Variants in MAP3K4 observed in about 807,000 individuals in gnomAD.
The protein encoded by MAP3K4 is MAP three kinase 1.
MAP3K4 carries 67 observed loss-of-function variants against 185.6 expected under a neutral mutation model. That is an observed-to-expected ratio of 0.36 (90% CI 0.30 to 0.44). MAP3K4 has a LOEUF of 0.44. MAP3K4 is among the 20% of genes least tolerant of loss of function. The pLI is 1.00. For missense variants in MAP3K4, 1,551 were observed against 1,995.1 expected (o/e 0.78, Z 4.24); for synonymous variants, 702 against 710.4 (o/e 0.99, Z 0.19).
In MAP3K4 at chr6:161,096,143, AGTTTT is replaced by A. The variant is rs1284162179; in HGVS notation, c.3428-929_3428-925del. 6.6e-6 allele frequency among the ~76,000 whole-genome samples: 1 copy of A among 152,154 alleles called. No homozygotes were observed. The highest frequency in any genetic ancestry group is 1.5e-5 in the Non-Finnish European group (1 of 68,024). The stretch of plus-strand genomic sequence containing the variant: ...AGGGTTTTTTGTTAACAATCCCTTA[AGTTTT>A]GTTTTGTAAGTTCTGTAAGGGAACT... On this transcript the variant is annotated intron_variant, in intron 15 of 26. Coordinates refer to ENST00000392142, the MANE Select transcript of MAP3K4 (RefSeq NM_005922.4). The surrounding 1 kb of genome is among the most constrained non-coding windows in gnomAD (Gnocchi z 4.9).
rs781215930 is a variant in MAP3K4, at chr6:161,089,435, T to G, written c.2937T>G (p.Ser979Arg). The change falls in exon 11 of 27, where the codon AGT (serine) becomes AGG (arginine). Residue 979 changes from serine (S) to arginine (R), a missense_variant. Ser to Arg is a moderately radical substitution (Grantham distance 110). This residue lies in a region of MAP3K4 where 261 missense variants were observed against 306.5 expected (regional missense o/e 0.85). Transcript: ENST00000392142. ...LMTLCQEQTS[S>R]QPVIAKALQQ... is the part of the protein sequence containing the mutation. The stretch of plus-strand genomic sequence containing the variant: ...CTCTGTGCCAGGAGCAGACATCCAG[T>G]CAGCCGGTCATCGCCAAAGCTTTGC... The G allele has an allele frequency of 1.9e-6, 3 of 1,614,226 alleles. No individual in the cohort carries two copies. The highest frequency in any genetic ancestry group is 2.5e-6 in the Non-Finnish European group (3 of 1,180,044).
In MAP3K4 at chr6:161,049,547, A is replaced by G; in HGVS notation, c.1275A>G (p.Pro425=). 1 of 1,614,204 alleles carries G rather than the reference A, an allele frequency of 6.2e-7. No homozygotes were observed. ...AGAATTTATCAGACATTGGCTGGCC[A>G]GTGTTTGAAATCCCTTCCCCTCGAC... is the stretch of plus-strand genomic sequence containing the variant. The part of the protein sequence containing the change: ...GIKNLSDIGW[P]VFEIPSPRPS... The change falls in exon 3 of 27, where the codon CCA becomes CCG. Residue 425 remains proline, a synonymous_variant. Transcript: ENST00000392142. The surrounding 1 kb of genome is among the most constrained non-coding windows in gnomAD (Gnocchi z 8.4).
intron 1 of MAP3K4, among the ~76,000 whole-genome samples, chr6:161,016,487 T>G (rs1439150230): frequency 6.6e-6 from 1 of 152,252 alleles, no homozygotes; most frequent in Non-Finnish European, 1.5e-5. Context: ...TGTTACATTT[T>G]GATCTTCTAT....
Position 161,086,580 on chromosome 6 carries a change from C to G in MAP3K4, c.2473-4C>G. 1 of 1,613,320 alleles carries G rather than the reference C, an allele frequency of 6.2e-7. No individual in the cohort carries two copies. The highest frequency in any genetic ancestry group is 8.5e-7 in the Non-Finnish European group (1 of 1,179,572). On this transcript the variant is annotated splice_polypyrimidine_tract_variant and splice_region_variant and intron_variant, in intron 8 of 26. Coordinates refer to ENST00000392142, the MANE Select transcript of MAP3K4 (RefSeq NM_005922.4). The surrounding 1 kb of genome is among the most constrained non-coding windows in gnomAD (Gnocchi z 4.8). ...AAGAAGTTTCTTTGTAACTGTGATC[C>G]TAGGACCTGGAAATAGCAGCAGAAT...
At position 161,000,439 on chromosome 6, in the gene MAP3K4, C is replaced by G. The variant is rs143487381; in HGVS notation, c.152+8356C>G. 2.3e-3 allele frequency among the ~76,000 whole-genome samples: 354 copies of G among 152,222 alleles called. 3 individuals carry two copies. Among genetic ancestry groups the G allele is most frequent in the African/African-American group, 8.1e-3 (335 of 41,520 alleles). ...TACTTCTTGAAGACAGCATTGTTAC[C>G]CGAAGGCAAGAGTAAGAATGTATCT... is the stretch of plus-strand genomic sequence containing the variant. On this transcript the variant is annotated intron_variant, in intron 1 of 26. Transcript: ENST00000392142.
chr6:161,106,080 G>A lies in MAP3K4; in HGVS notation c.3857-434G>A, dbSNP rs1778056912. Among the ~76,000 whole-genome samples the A allele has an allele frequency of 6.6e-6, 1 of 151,912 alleles. No individual in the cohort carries two copies. Among genetic ancestry groups the A allele is most frequent in the Non-Finnish European group, 1.5e-5 (1 of 67,974 alleles). On this transcript the variant is annotated intron_variant, in intron 19 of 26. Transcript: ENST00000392142. This position sits in a 1 kb window ranked among gnomAD's most constrained non-coding sequence, Gnocchi z 4.9. ...TTGAACTCCTAGGCTCAAGTGATCT[G>A]CCCACCTCACCTCCCAAAGTGCTGG...
Position 161,115,234 on chromosome 6 carries a change from C to T in MAP3K4, c.4738C>T (p.His1580Tyr), listed in dbSNP as rs1055701377. ...CCCTGAAGGAAAGGACTTCCTTTCT[C>T]ACTGCCTTGAGAGTGACCCAAAGAT... ...LSPEGKDFLS[H>Y]CLESDPKMRW... Residue 1580 changes from histidine (H) to tyrosine (Y), a missense_variant, in exon 26 of 27, where the codon CAC (histidine) becomes TAC (tyrosine). By Grantham distance (83) the His-to-Tyr change is moderately conservative. Transcript: ENST00000392142. The surrounding 1 kb of genome is among the most constrained non-coding windows in gnomAD (Gnocchi z 6.0). The T allele has an allele frequency of 1.9e-6, 3 of 1,614,168 alleles. No homozygotes were observed. The highest frequency in any genetic ancestry group is 2.5e-6 in the Non-Finnish European group (3 of 1,180,000).
chr6:161,070,776 G>A lies in MAP3K4; in HGVS notation c.1876G>A (p.Val626Ile), dbSNP rs767402710. 4 of 1,614,120 alleles carry A rather than the reference G, an allele frequency of 2.5e-6. No individual in the cohort carries two copies. In the Admixed American group the frequency reaches 5.0e-5, roughly 20 times the overall value. ...FLVLCRVLLN[V>I]IHECLKLRLE... ...AGTTCTCTGCCGAGTCCTTCTGAATGTCATACATGAGTGTCTGAAGTTAAG... is the reference window on the plus strand; with the variant it reads ...AGTTCTCTGCCGAGTCCTTCTGAATATCATACATGAGTGTCTGAAGTTAAG... The change falls in exon 4 of 27, where the codon GTC (valine) becomes ATC (isoleucine). Residue 626 changes from valine (V) to isoleucine (I), a missense_variant. Coordinates refer to ENST00000392142, the MANE Select transcript of MAP3K4 (RefSeq NM_005922.4). This position sits in a 1 kb window ranked among gnomAD's most constrained non-coding sequence, Gnocchi z 4.5.
Position 161,040,454 on chromosome 6 carries a change from A to G in MAP3K4, c.343+6005A>G, listed in dbSNP as rs368803514. ...TTATCAAAGCCCTATTTATATTGCA[A>G]TCACGAGGATTGTGGGTCCCTGGAA... On this transcript the variant is annotated intron_variant, in intron 2 of 26. Transcript: ENST00000392142. 5.3e-5 allele frequency among the ~76,000 whole-genome samples: 8 copies of G among 152,238 alleles called. No homozygotes were observed. In the East Asian group the frequency reaches 5.8e-4, roughly 11 times the overall value.
In MAP3K4 at chr6:161,082,456, A is replaced by C. The variant is rs1785503919; in HGVS notation, c.2255+1418A>C. ...TTTCTATCTTTTGCTTGTCCTTCAAATTCCCTAGAGTGCAGTCTCTGGCCT... is the reference window on the plus strand; with the variant it reads ...TTTCTATCTTTTGCTTGTCCTTCAACTTCCCTAGAGTGCAGTCTCTGGCCT... On this transcript the variant is annotated intron_variant, in intron 6 of 26. Transcript: ENST00000392142. This position sits in a 1 kb window ranked among gnomAD's most constrained non-coding sequence, Gnocchi z 4.2. 6.6e-6 allele frequency among the ~76,000 whole-genome samples: 1 copy of C among 151,402 alleles called. No individual in the cohort carries two copies. The highest frequency in any genetic ancestry group is 1.5e-5 in the Non-Finnish European group (1 of 67,964).
Position 161,070,690 on chromosome 6 carries a change from G to A in MAP3K4, c.1790G>A (p.Ser597Asn), listed in dbSNP as rs1157324298. 1.9e-6 allele frequency: 3 copies of A among 1,614,130 alleles called. No homozygotes were observed. The highest frequency in any genetic ancestry group is 2.5e-6 in the Non-Finnish European group (3 of 1,180,038). The change falls in exon 4 of 27, where the codon AGT becomes AAT. Residue 597 changes from serine to asparagine, a missense_variant. By Grantham distance (46) the Ser-to-Asn change is conservative (BLOSUM62 1). Coordinates refer to ENST00000392142, the MANE Select transcript of MAP3K4 (RefSeq NM_005922.4). The surrounding 1 kb of genome is among the most constrained non-coding windows in gnomAD (Gnocchi z 4.5). ...RTPPSSEEKC[S>N]AVSWEELKAM... ...CCACCTTCATCTGAGGAGAAATGCA[G>A]TGCTGTGTCGTGGGAGGAGCTGAAG...
chr6:161,000,955 TTATATATAATA>T (rs1781259633), intron 1 of MAP3K4, among the ~76,000 whole-genome samples: 2 of 145,858 alleles, frequency 1.4e-5, no homozygotes, highest in African/African-American at 5.0e-5. Flanking sequence ...ATAGTGCATA[TTATATATAATA>T]TACACATATG....
Position 161,109,226 on chromosome 6 carries a change from A to G in MAP3K4, c.4236+367A>G, listed in dbSNP as rs1004033486. Among the ~76,000 whole-genome samples, 4 of 152,138 alleles carry G rather than the reference A, an allele frequency of 2.6e-5. No homozygotes were observed. Among genetic ancestry groups the G allele is most frequent in the South Asian group, 4.1e-4 (2 of 4,824 alleles). On this transcript the variant is annotated intron_variant, in intron 22 of 26. Coordinates refer to ENST00000392142, the MANE Select transcript of MAP3K4 (RefSeq NM_005922.4). This position sits in a 1 kb window ranked among gnomAD's most constrained non-coding sequence, Gnocchi z 5.7. ...GTTTTTTTCTTGTATGTATTTAGGG[A>G]GCCATTGTGAAATGAGAGAAAATTC...
Position 161,054,967 on chromosome 6 carries a change from C to G in MAP3K4, c.1707+4988C>G, listed in dbSNP as rs947439351. ...ATTTTCTCATTTATCTTCTTCTTCT[C>G]TTATTCCATTGCTGTTTAGAACATC... On this transcript the variant is annotated intron_variant, in intron 3 of 26. Transcript: ENST00000392142. This position sits in a 1 kb window ranked among gnomAD's most constrained non-coding sequence, Gnocchi z 4.2. 6.6e-6 allele frequency among the ~76,000 whole-genome samples: 1 copy of G among 152,234 alleles called. No individual in the cohort carries two copies. The highest frequency in any genetic ancestry group is 6.5e-5 in the Admixed American group (1 of 15,288).
Position 161,049,719 on chromosome 6 carries a change from G to A in MAP3K4, c.1447G>A (p.Asp483Asn), listed in dbSNP as rs1373404574. Residue 483 changes from aspartate to asparagine, a missense_variant, in exon 3 of 27, where the codon GAC (aspartate) becomes AAC (asparagine). Physicochemically the swap from Asp to Asn is conservative, Grantham distance 23. This residue lies in a region of MAP3K4 where 126 missense variants were observed against 112.8 expected (regional missense o/e 1.12). Coordinates refer to ENST00000392142, the MANE Select transcript of MAP3K4 (RefSeq NM_005922.4). The surrounding 1 kb of genome is among the most constrained non-coding windows in gnomAD (Gnocchi z 8.4). ...CAGACAGCCCATAGATAACAGCTTC[G>A]ACATCCAGTCGCGGGACTGCATATC... ...EIRQPIDNSF[D>N]IQSRDCISKK... 2 of 1,614,116 alleles carry A rather than the reference G, an allele frequency of 1.2e-6. No homozygotes were observed.
At position 161,037,311 on chromosome 6, in the gene MAP3K4, T is replaced by C. The variant is rs1387104785; in HGVS notation, c.343+2862T>C. The stretch of plus-strand genomic sequence containing the variant: ...TCCTGGTTCCGCTATCTTCTGCGTA[T>C]GCAGCCTCCATATCTCGTTTCTCTA... On this transcript the variant is annotated intron_variant, in intron 2 of 26. Transcript: ENST00000392142. The surrounding 1 kb of genome is among the most constrained non-coding windows in gnomAD (Gnocchi z 4.2). Among the ~76,000 whole-genome samples, 1 of 152,256 alleles carries C rather than the reference T, an allele frequency of 6.6e-6. No homozygotes were observed. Among genetic ancestry groups the C allele is most frequent in the Non-Finnish European group, 1.5e-5 (1 of 68,048 alleles).
At chr6:161,044,663 A>G (rs1349567205) in intron 2 of MAP3K4, among the ~76,000 whole-genome samples, 9 of 152,208 alleles carry the variant, frequency 5.9e-5, no homozygotes, top group Admixed American at 2.6e-4. Flanking sequence ...TGCGTTGGCT[A>G]TAAAGGAATA....
rs1784723226 is a variant in MAP3K4, at chr6:161,066,532, T to G, written c.1708-4076T>G. ...CTTGAGTTTATTTCAGAAGTCTTAA[T>G]TTATTATTTTCCAGAGGACTTTAAT... On this transcript the variant is annotated intron_variant, in intron 3 of 26. Coordinates refer to ENST00000392142, the MANE Select transcript of MAP3K4 (RefSeq NM_005922.4). Among the ~76,000 whole-genome samples the G allele has an allele frequency of 2.0e-5, 3 of 152,204 alleles. No individual in the cohort carries two copies. In the South Asian group the frequency reaches 6.2e-4, roughly 31 times the overall value.
intron 2 of MAP3K4, among the ~76,000 whole-genome samples, chr6:161,046,185 A>G (rs1342502084): frequency 6.6e-6 from 1 of 152,166 alleles, no homozygotes; most frequent in Non-Finnish European, 1.5e-5. Context: ...TGTGTTTCCC[A>G]GTAATAAAGT....
Sources: allele counts gnomAD v4.1 joint callset (sites outside exome capture counted in the v4.1 genomes callset), GRCh38; gene constraint gnomAD v4.1.1; regional missense constraint gnomAD v4.1.1; non-coding constraint Gnocchi (gnomAD v3.1); transcripts MANE v1.5; gene names NCBI Gene and HGNC (gene_info 2026-07-23, HGNC 2026-07-21).